SPDL1: variants seen among roughly 807,000 people sequenced by gnomAD.
SPDL1 encodes the protein spindle apparatus coiled-coil protein 1.
In SPDL1, 85 loss-of-function variants were observed where a neutral mutation model predicts 79.5. The observed-to-expected ratio is 1.07, with a 90% CI of 0.90 to 1.28. The LOEUF (loss-of-function observed/expected upper bound fraction) is 1.28. Ranked by LOEUF, SPDL1 falls within the 50% of genes most tolerant of loss-of-function variation. The probability of loss-of-function intolerance (pLI) is 0.00; values close to 1 mark genes in which losing one functional copy is unlikely to be tolerated. For synonymous variants in SPDL1, 269 were observed against 240.3 expected, an observed-to-expected ratio of 1.12 and a Z score of -1.10; for missense variants, 703 against 697.8, an observed-to-expected ratio of 1.01 and a Z score of -0.08.
At position 169,601,306 on chromosome 5, in the gene SPDL1, AAG is replaced by A; in HGVS notation, c.1354_1355del (p.Arg452AlafsTer2). Reference protein sequence around the residue: ...EETVEVPVLKKRREVLPVDIT... With the variant: ...EETVEVPVLKXRREVLPVDIT... The stretch of plus-strand genomic sequence containing the variant: ...GACAGTTGAAGTGCCTGTACTGAAA[AAG>A]AGGCGTGAGGTGCTCCCTGTGGATA... On this transcript the variant is annotated frameshift_variant, in exon 11 of 12. Transcript: ENST00000265295. LOFTEE classifies it high-confidence loss of function. 2 of 1,611,392 alleles carry A rather than the reference AAG, an allele frequency of 1.2e-6. No individual in the cohort carries two copies. Among genetic ancestry groups the A allele is most frequent in the South Asian group, 1.1e-5 (1 of 90,946 alleles).
At chr5:169,603,939 T>G (rs1756060114) in intron 11 of SPDL1, 121 bp from the exon 12 acceptor site, 1 of 1,039,500 alleles carries the variant, frequency 9.6e-7, no homozygotes, top group Admixed American at 2.5e-5. Context: ...AGTATTAGAG[T>G]CAACTATATT....
intron 5 of SPDL1, 23 bp downstream of exon 5, chr5:169,594,317 A>G (rs1229376063): frequency 6.2e-7 from 1 of 1,612,760 alleles, no homozygotes; most frequent in Non-Finnish European, 8.5e-7. Flanking sequence ...CAGTAACATC[A>G]TGTTTTCCAA....
intron 10 of SPDL1, among the ~76,000 whole-genome samples, chr5:169,600,262 G>C (rs868241830): frequency 3.3e-5 from 5 of 152,162 alleles, no homozygotes; most frequent in Middle Eastern, 3.4e-3. Context: ...AAAATAGGAA[G>C]GTTTTTACAC....
chr5:169,601,731 A>G (rs1263338407), intron 11 of SPDL1, 106 bp downstream of exon 11: 1 of 1,028,054 alleles, frequency 9.7e-7, no homozygotes, highest in Non-Finnish European at 1.5e-6. Flanking sequence ...TTACAATTGC[A>G]TGCAGTATAA....
intron 8 of SPDL1, among the ~76,000 whole-genome samples, chr5:169,597,480 T>G (rs892895152): frequency 1.3e-5 from 2 of 152,204 alleles, no homozygotes; most frequent in Non-Finnish European, 2.9e-5. Flanking sequence ...TAAAGGCTTT[T>G]AAGTATGTTT....
At chr5:169,599,693 G>A (rs1338997835) in intron 10 of SPDL1, among the ~76,000 whole-genome samples, 2 of 152,196 alleles carry the variant, frequency 1.3e-5, no homozygotes, top group Non-Finnish European at 2.9e-5. Context: ...TAGTCATGCA[G>A]CCTCACCTGC....
In SPDL1 at chr5:169,588,236, G is replaced by A. The variant is rs1755080825; in HGVS notation, c.-23-158G>A. ...AATTGTCAGAACAGTTCTTGCTCTTGGAACAAGAATGCAAATTTGACTACT... is the reference window on the plus strand; with the variant it reads ...AATTGTCAGAACAGTTCTTGCTCTTAGAACAAGAATGCAAATTTGACTACT... On this transcript the variant is annotated intron_variant, in intron 1 of 11. Coordinates refer to ENST00000265295, the MANE Select transcript of SPDL1 (RefSeq NM_017785.5). 1.6e-5 allele frequency: 8 copies of A among 498,234 alleles called. No homozygotes were observed. In the South Asian group the frequency reaches 2.6e-4, roughly 16 times the overall value. 30.9% of individuals were successfully genotyped at this position (498,234 alleles called of 1,614,324 possible).
chr5:169,589,700 CTTTT>C (rs1488774461), intron 2 of SPDL1, among the ~76,000 whole-genome samples: 1 of 149,192 alleles, frequency 6.7e-6, no homozygotes, highest in East Asian at 2.0e-4. Context: ...CTTTTTTTTT[CTTTT>C]TTCTTTTTTT....
chr5:169,601,976 C>T (rs1755955717), intron 11 of SPDL1: 1 of 315,606 alleles, frequency 3.2e-6, no homozygotes, highest in Non-Finnish European at 6.0e-6. Flanking sequence ...AATTAACTTA[C>T]TTTCTCAAAG....
At chr5:169,592,214 C>CTTTTTTTTTTTT (rs397884840) in intron 3 of SPDL1, among the ~76,000 whole-genome samples, 2 of 97,050 alleles carry the variant, frequency 2.1e-5, no homozygotes, top group Non-Finnish European at 3.8e-5. Flanking sequence ...TTTTTTTTTC[C>CTTTTTTTTTTTT]TTTTTTTTTT....
chr5:169,591,056 A>T lies in SPDL1; in HGVS notation c.168A>T (p.Glu56Asp). 6.2e-7 allele frequency: 1 copy of T among 1,612,014 alleles called. No individual in the cohort carries two copies. Among genetic ancestry groups the T allele is most frequent in the South Asian group, 1.1e-5 (1 of 90,726 alleles). Reference protein sequence around the residue: ...NEMMTMTESYEQEKYTLQREV... With the variant: ...NEMMTMTESYDQEKYTLQREV... ...ATTGAATCTGTTTTCAGAGTTATGAACAAGAAAAATATACCCTTCAAAGAG... is the reference window on the plus strand; with the variant it reads ...ATTGAATCTGTTTTCAGAGTTATGATCAAGAAAAATATACCCTTCAAAGAG... Residue 56 changes from glutamate (E) to aspartate (D), a missense_variant, in exon 3 of 12, where the codon GAA becomes GAT. Coordinates refer to ENST00000265295, the MANE Select transcript of SPDL1 (RefSeq NM_017785.5).
At position 169,596,439 on chromosome 5, in the gene SPDL1, A is replaced by T. The variant is rs551146689; in HGVS notation, c.892-122A>T. 8 of 770,056 alleles carry T rather than the reference A, an allele frequency of 1.0e-5. No homozygotes were observed. The East Asian group carries it at 2.4e-4, about 23-fold the overall frequency. 47.7% of individuals were successfully genotyped at this position (770,056 alleles called of 1,614,324 possible). On this transcript the variant is annotated intron_variant, in intron 7 of 11. Transcript: ENST00000265295. Reference sequence around the variant, plus strand: ...ATTTATTATTAGATTAGAAATAGCTAATTTAGTTTCCAAAATGAGTTCAAA... The same window carrying T: ...ATTTATTATTAGATTAGAAATAGCTTATTTAGTTTCCAAAATGAGTTCAAA...
intron 2 of SPDL1, 62 bp downstream of exon 2, chr5:169,588,637 T>C: frequency 1.4e-6 from 2 of 1,406,296 alleles, no homozygotes; most frequent in Non-Finnish European, 1.9e-6. Context: ...TTGTCCTGTT[T>C]AGCAATTAAT....
chr5:169,589,038 G>A (rs2113328647), intron 2 of SPDL1, among the ~76,000 whole-genome samples: 1 of 152,148 alleles, frequency 6.6e-6, no homozygotes, highest in East Asian at 1.9e-4. Flanking sequence ...AGCTTATTTA[G>A]TAAATATAAT....
At chr5:169,592,625 A>C (rs6892892) in intron 3 of SPDL1, among the ~76,000 whole-genome samples, 15,185 of 152,154 alleles carry the variant, frequency 0.1, 1,266 homozygotes, top group African/African-American at 0.23. Context: ...CCACTCTGAC[A>C]GATAATATCA....
chr5:169,603,400 T>G (rs1756033773), intron 11 of SPDL1, among the ~76,000 whole-genome samples: 1 of 152,198 alleles, frequency 6.6e-6, no homozygotes, highest in Non-Finnish European at 1.5e-5. Flanking sequence ...CAGCCCAAGA[T>G]TCCATGTTAT....
chr5:169,598,890 A>C (rs1031602732), intron 9 of SPDL1, 82 bp from the exon 10 acceptor site: 1 of 1,459,878 alleles, frequency 6.8e-7, no homozygotes, highest in African/African-American at 1.4e-5. Flanking sequence ...TAAGAATTCA[A>C]ATATGCGATG....
In SPDL1 at chr5:169,604,052, G is replaced by T. The variant is rs1322527636; in HGVS notation, c.1671-8G>T. Reference sequence around the variant, plus strand: ...TTGAATTCAGAGTGGATGCTTTAATGCCTGTAGGTTAGCTGCTGAATCAAA... The same window carrying T: ...TTGAATTCAGAGTGGATGCTTTAATTCCTGTAGGTTAGCTGCTGAATCAAA... On this transcript the variant is annotated splice_polypyrimidine_tract_variant and splice_region_variant and intron_variant, in intron 11 of 11. Transcript: ENST00000265295. The T allele has an allele frequency of 1.2e-6, 2 of 1,604,114 alleles. No homozygotes were observed. Among genetic ancestry groups the T allele is most frequent in the African/African-American group, 1.3e-5 (1 of 74,304 alleles).
At chr5:169,589,482 C>G (rs188004176) in intron 2 of SPDL1, among the ~76,000 whole-genome samples, 1 of 152,064 alleles carries the variant, frequency 6.6e-6, no homozygotes, top group Non-Finnish European at 1.5e-5. Context: ...TGCCAAGCTT[C>G]TGACCTCACC....
Sources: gnomAD v4.1 joint callset for allele counts (sites outside exome capture counted in the v4.1 genomes callset) on GRCh38, gnomAD v4.1.1 for gene constraint, MANE v1.5 for transcripts, NCBI Gene and HGNC (gene_info 2026-07-23, HGNC 2026-07-21) for gene names.